The following UNC79 variants were observed in gnomAD, a reference collection of about 807,000 sequenced individuals.
UNC79 encodes unc-79 subunit of NALCN channel complex, also known as protein unc-79 homolog.
In UNC79, 37 loss-of-function variants were observed where a neutral mutation model predicts 283.1. The observed-to-expected ratio is 0.13, with a 90% CI of 0.10 to 0.17. The LOEUF (loss-of-function observed/expected upper bound fraction) is 0.17, where lower values mean the gene tolerates loss of function less well. Among genes scored for constraint, UNC79 ranks in the 10% least tolerant of loss-of-function variants. The pLI, the probability that UNC79 is intolerant of heterozygous loss-of-function variation, is 1.00. For missense variants in UNC79, 2,272 were observed against 3,211.1 expected, an observed-to-expected ratio of 0.71 and a Z score of 7.07; for synonymous variants, 1,107 against 1,200.2, an observed-to-expected ratio of 0.92 and a Z score of 1.61.
At chr14:93,469,178 T>C (rs2057371252) in intron 2 of UNC79, among the ~76,000 whole-genome samples, 1 of 152,210 alleles carries the variant, frequency 6.6e-6, no homozygotes, top group East Asian at 1.9e-4. Context: ...AGTTAAGGAA[T>C]TTAAAATATT....
At chr14:93,387,776 A>C (rs1469523724) in intron 1 of UNC79, among the ~76,000 whole-genome samples, 1 of 152,246 alleles carries the variant, frequency 6.6e-6, no homozygotes, top group African/African-American at 2.4e-5. Flanking sequence ...GTGCAGATTA[A>C]GTACAATGTT....
intron 7 of UNC79, among the ~76,000 whole-genome samples, chr14:93,522,708 A>T (rs978957557): frequency 1.4e-4 from 22 of 152,132 alleles, no homozygotes; most frequent in African/African-American, 5.3e-4. Flanking sequence ...GTTGTGCTCT[A>T]AAAATATGAT....
chr14:93,554,226 C>T (rs962854690), intron 14 of UNC79, among the ~76,000 whole-genome samples: 3 of 151,896 alleles, frequency 2.0e-5, no homozygotes, highest in Non-Finnish European at 4.4e-5. Context: ...CACATGCCTG[C>T]AGTCCCAGCT....
intron 20 of UNC79, among the ~76,000 whole-genome samples, chr14:93,585,883 C>CTTT (rs1233052037): frequency 8.0e-5 from 11 of 138,224 alleles, no homozygotes; most frequent in African/African-American, 8.0e-5. Context: ...CTCTCTCTCT[C>CTTT]TTTTTTTTTT....
chr14:93,338,659 C>T (rs1052887827), intron 1 of UNC79, among the ~76,000 whole-genome samples: 2 of 152,158 alleles, frequency 1.3e-5, no homozygotes, highest in African/African-American at 4.8e-5. Context: ...GTTATCCCAG[C>T]AGGTTGGAAG....
chr14:93,655,521 A>T, intron 38 of UNC79, 114 bp downstream of exon 41: 6 of 1,278,988 alleles, frequency 4.7e-6, no homozygotes, highest in Non-Finnish European at 6.5e-6. Flanking sequence ...TAATGAGGAA[A>T]CTCCGTCAGC....
rs372192709 is a variant in UNC79 at position 93,654,071 on chromosome 14, G to A, written c.6282+46G>A. 5.1e-5 allele frequency: 79 copies of A among 1,563,964 alleles called. 1 individual carries two copies. The African/African-American group carries it at 9.6e-4, about 19-fold the overall frequency. The stretch of plus-strand genomic sequence containing the variant: ...CCCTAAGCCCCAGCCGAAACTCTAA[G>A]CCCCAGCACAACTGTGGGCTGTGTT... On this transcript the variant is annotated intron_variant, in intron 37 of 48. Transcript: ENST00000555664.
At chr14:93,466,751 T>C in intron 1 of UNC79, 1 of 588,390 alleles carries the variant, frequency 1.7e-6, no homozygotes, top group Non-Finnish European at 2.1e-6. Flanking sequence ...AAATGGACAG[T>C]GTTGAGAACT....
At chr14:93,376,207 T>C (rs2054555195) in intron 1 of UNC79, among the ~76,000 whole-genome samples, 1 of 152,240 alleles carries the variant, frequency 6.6e-6, no homozygotes, top group African/African-American at 2.4e-5. Flanking sequence ...TAGTTTGTTA[T>C]GCAACAATAG....
Position 93,472,158 on chromosome 14 carries a change from A to T in UNC79, c.144-1931A>T, listed in dbSNP as rs544077687. Among the ~76,000 whole-genome samples the T allele has an allele frequency of 1.2e-4, 19 of 152,252 alleles. No homozygotes were observed. The South Asian group carries it at 2.9e-3, about 23-fold the overall frequency. On this transcript the variant is annotated intron_variant, in intron 2 of 48. Coordinates refer to ENST00000555664, the Ensembl canonical transcript of UNC79. ...CAATAGTAGGTTAATTTAGGGCCGA[A>T]GTTTGGGAAATAATATCTCTGACTT...
At chr14:93,704,792 G>C in intron 48 of UNC79, 126 bp downstream of exon 51, 1 of 1,219,686 alleles carries the variant, frequency 8.2e-7, no homozygotes, top group Non-Finnish European at 1.2e-6. Flanking sequence ...GGCCTTAGAG[G>C]GCTGATAATG....
intron 32 of UNC79, among the ~76,000 whole-genome samples, chr14:93,638,013 G>C (rs1019951829): frequency 6.6e-6 from 1 of 152,170 alleles, no homozygotes; most frequent in Admixed American, 6.5e-5. Flanking sequence ...CAAGCTGAAG[G>C]CCAATCTGTG....
intron 47 of UNC79, among the ~76,000 whole-genome samples, chr14:93,699,545 G>A (rs2075383990): frequency 6.6e-6 from 1 of 152,008 alleles, no homozygotes; most frequent in African/African-American, 2.4e-5. Flanking sequence ...TTAGAAGTGT[G>A]TTTTTTAATT....
chr14:93,376,551 T>C (rs1339786199), intron 1 of UNC79, among the ~76,000 whole-genome samples: 22 of 152,158 alleles, frequency 1.4e-4, no homozygotes, highest in Admixed American at 1.4e-3. Flanking sequence ...CTTTAGACAG[T>C]TGGAATTTAA....
chr14:93,519,741 T>C (rs2060234774), intron 7 of UNC79, among the ~76,000 whole-genome samples: 1 of 151,996 alleles, frequency 6.6e-6, no homozygotes, highest in East Asian at 1.9e-4. Flanking sequence ...CTTGGGTTTA[T>C]AATATGCACT....
intron 1 of UNC79, among the ~76,000 whole-genome samples, chr14:93,355,233 G>A (rs1289106325): frequency 3.3e-5 from 5 of 150,688 alleles, no homozygotes; most frequent in Non-Finnish European, 7.4e-5. Flanking sequence ...TTGCTCTTTC[G>A]CCCAGGCTGG....
intron 26 of UNC79, among the ~76,000 whole-genome samples, chr14:93,605,566 C>G (rs1056031389): frequency 2.0e-5 from 3 of 152,094 alleles, no homozygotes; most frequent in Admixed American, 1.3e-4. Flanking sequence ...TGAATGGTGC[C>G]GTGACTCACT....
At chr14:93,507,488 A>G (rs1300466874) in intron 7 of UNC79, among the ~76,000 whole-genome samples, 2 of 152,120 alleles carry the variant, frequency 1.3e-5, no homozygotes, top group Admixed American at 6.5e-5. Context: ...GCACATTTTT[A>G]TATAATTATT....
Position 93,703,302 on chromosome 14 carries a change from G to A in UNC79, c.7549-1323G>A, listed in dbSNP as rs571348763. Among the ~76,000 whole-genome samples the A allele has an allele frequency of 2.5e-3, 374 of 152,332 alleles. 4 individuals carry two copies. Among genetic ancestry groups the A allele is most frequent in the African/African-American group, 8.7e-3 (360 of 41,576 alleles). The stretch of plus-strand genomic sequence containing the variant: ...AAATGTATTCCCTGGAAGTTCTGGA[G>A]ACCAGAAGGCTGAGATCAAGGTGTC... On this transcript the variant is annotated intron_variant, in intron 47 of 48. Coordinates refer to ENST00000555664, the Ensembl canonical transcript of UNC79.
Sources: allele counts gnomAD v4.1 joint callset (sites outside exome capture counted in the v4.1 genomes callset), GRCh38; gene constraint gnomAD v4.1.1; transcripts MANE v1.5; gene names NCBI Gene and HGNC (gene_info 2026-07-23, HGNC 2026-07-21).